The following CPN1 variants were observed in gnomAD, a reference collection of about 807,000 sequenced individuals.
The protein encoded by CPN1 is carboxypeptidase N catalytic chain.
In CPN1, 37 loss-of-function variants were observed where a neutral mutation model predicts 46.4. The ratio of observed to expected loss-of-function variants is 0.80; its 90% confidence interval spans 0.61 to 1.05. The LOEUF (loss-of-function observed/expected upper bound fraction) is 1.05. Ranked by LOEUF, CPN1 falls within the 50% of genes least tolerant of loss-of-function variation. The probability of loss-of-function intolerance (pLI) is 0.00; values close to 1 mark genes in which losing one functional copy is unlikely to be tolerated. For synonymous variants in CPN1, 224 were observed against 235.4 expected (o/e 0.95, Z 0.44); for missense variants, 563 against 602.6 (o/e 0.93, Z 0.69).
At chr10:100,051,243 A>G (rs1348644611) in intron 7 of CPN1, among the ~76,000 whole-genome samples, 1 of 152,222 alleles carries the variant, frequency 6.6e-6, no homozygotes, top group African/African-American at 2.4e-5. Flanking sequence ...ACAAACAATA[A>G]TGAAGAAGTC....
Position 100,063,717 on chromosome 10 carries a change from C to A in CPN1, c.768G>T (p.Lys256Asn), listed in dbSNP as rs144347849. Residue 256 changes from lysine (K) to asparagine (N), a missense_variant, in exon 5 of 9, where the codon AAG becomes AAT. Coordinates refer to ENST00000370418, the MANE Select transcript of CPN1 (RefSeq NM_001308.3). ...PDDKLFQKLA[K>N]VYSYAHGWMF... Reference sequence around the variant, plus strand: ...TCCATCCATGTGCATAGGAGTAGACCTTGGCCAGCTAGAGGAAAAGCAGGA... The same window carrying A: ...TCCATCCATGTGCATAGGAGTAGACATTGGCCAGCTAGAGGAAAAGCAGGA... 1.2e-6 allele frequency: 2 copies of A among 1,613,580 alleles called. No individual in the cohort carries two copies. Among genetic ancestry groups the A allele is most frequent in the Admixed American group, 1.7e-5 (1 of 59,978 alleles).
chr10:100,050,902 G>A lies in CPN1; in HGVS notation c.1112-2026C>T, dbSNP rs145953818. Among the ~76,000 whole-genome samples the A allele has an allele frequency of 7.2e-3, 1,099 of 152,310 alleles. 19 individuals are homozygous for A. The highest frequency in any genetic ancestry group is 0.024 in the African/African-American group (1,012 of 41,572). On this transcript the variant is annotated intron_variant, in intron 7 of 8. Transcript: ENST00000370418. ...CCAGCTCAGCCTCCCAAAGTGCTGGGATTACAGGCATATGCCATTGTGCCC... is the reference window on the plus strand; with the variant it reads ...CCAGCTCAGCCTCCCAAAGTGCTGGAATTACAGGCATATGCCATTGTGCCC...
chr10:100,068,059 G>A (rs2041464273), intron 3 of CPN1, among the ~76,000 whole-genome samples: 1 of 151,068 alleles, frequency 6.6e-6, no homozygotes, highest in Non-Finnish European at 1.5e-5. Flanking sequence ...GACTGAGGCA[G>A]GAGAATCGCT....
intron 2 of CPN1, among the ~76,000 whole-genome samples, chr10:100,073,479 G>A (rs138746169): frequency 2.2e-3 from 336 of 152,274 alleles, no homozygotes; most frequent in African/African-American, 7.8e-3. Context: ...CCCAAATTTA[G>A]TGGTTTAAAA....
intron 8 of CPN1, among the ~76,000 whole-genome samples, chr10:100,046,996 C>A (rs1247326860): frequency 6.6e-6 from 1 of 151,986 alleles, no homozygotes; most frequent in Non-Finnish European, 1.5e-5. Context: ...ATTGCTTGAA[C>A]CCAAAAGACA....
chr10:100,077,640 C>T (rs1018709365), intron 1 of CPN1, among the ~76,000 whole-genome samples: 1 of 152,128 alleles, frequency 6.6e-6, no homozygotes, highest in Admixed American at 6.5e-5. Context: ...TCTTAGTATA[C>T]CTACAGCAGT....
At chr10:100,060,582 T>G (rs1047069997) in intron 5 of CPN1, among the ~76,000 whole-genome samples, 1 of 151,860 alleles carries the variant, frequency 6.6e-6, no homozygotes, top group Non-Finnish European at 1.5e-5. Flanking sequence ...TAAATGAAGA[T>G]GAAAAAAATT....
intron 5 of CPN1, among the ~76,000 whole-genome samples, chr10:100,062,717 C>T (rs2041427753): frequency 6.6e-6 from 1 of 151,700 alleles, no homozygotes; most frequent in Admixed American, 6.6e-5. Context: ...CCTCAGCCTC[C>T]CCATTAGCTG....
At chr10:100,060,169 G>A (rs1305636322) in intron 5 of CPN1, among the ~76,000 whole-genome samples, 1 of 152,090 alleles carries the variant, frequency 6.6e-6, no homozygotes, top group Non-Finnish European at 1.5e-5. Context: ...GATGAGTGCT[G>A]GTGATGACTG....
intron 4 of CPN1, 129 bp from the exon 5 acceptor site, chr10:100,063,854 A>T (rs549123128): frequency 2.7e-6 from 2 of 733,038 alleles, no homozygotes; most frequent in South Asian, 2.9e-5. Context: ...TGCTTTAGTG[A>T]AAGAAAATAG....
chr10:100,081,857 C>G lies in CPN1; in HGVS notation c.-232G>C, dbSNP rs2041549322. On this transcript the variant is annotated 5_prime_UTR_variant, in exon 1 of 9. Transcript: ENST00000370418. ...CCTTTCTTTCTCTAATCCAGGAAAG[C>G]CTTTTGAAAGGTTTTTTGCACTTCC... 9.4e-6 allele frequency: 5 copies of G among 532,204 alleles called. No homozygotes were observed. The highest frequency in any genetic ancestry group is 1.7e-5 in the Non-Finnish European group (5 of 292,984). The allele number at this position is 532,204 out of a possible 1,614,324, so 33.0% of individuals were successfully genotyped here.
In CPN1 at chr10:100,075,854, A is replaced by C. The variant is rs553809968; in HGVS notation, c.420+57T>G. 2.4e-5 allele frequency: 37 copies of C among 1,550,660 alleles called. No homozygotes were observed. The Admixed American group carries it at 3.0e-4, about 13-fold the overall frequency. On this transcript the variant is annotated intron_variant, in intron 2 of 8. Transcript: ENST00000370418. ...ACAGAGAGGGAATCTTGTCCACTGG[A>C]CTTTATTTCCTAAGAAGGCCTTGAT...
chr10:100,068,773 A>G (rs2041468811), intron 3 of CPN1, among the ~76,000 whole-genome samples: 1 of 151,904 alleles, frequency 6.6e-6, no homozygotes, highest in Non-Finnish European at 1.5e-5. Context: ...TCCTGACCTC[A>G]AGCAATCCTC....
At chr10:100,055,993 C>A (rs932736716) in intron 6 of CPN1, among the ~76,000 whole-genome samples, 2 of 152,182 alleles carry the variant, frequency 1.3e-5, no homozygotes, top group African/African-American at 2.4e-5. Flanking sequence ...CCCTTATTTC[C>A]GTTCTTTTGA....
chr10:100,081,674 TAAAC>T lies in CPN1; in HGVS notation c.-53_-50del, dbSNP rs752752245. 1 of 1,512,700 alleles carries T rather than the reference TAAAC, an allele frequency of 6.6e-7. No individual in the cohort carries two copies. The highest frequency in any genetic ancestry group is 1.1e-5 in the South Asian group (1 of 87,142). The allele number at this position is 1,512,700 out of a possible 1,614,324, so 93.7% of individuals were successfully genotyped here. On this transcript the variant is annotated 5_prime_UTR_variant, in exon 1 of 9. Transcript: ENST00000370418. ...GCCACTGAAACGCGCCCCACCTCCT[TAAAC>T]AACCTAGCCTCTTCACCCGCCAAAA...
intron 8 of CPN1, among the ~76,000 whole-genome samples, chr10:100,046,409 C>T (rs1467513382): frequency 6.6e-6 from 1 of 152,208 alleles, no homozygotes; most frequent in Non-Finnish European, 1.5e-5. Context: ...GAGTTCAAGG[C>T]TGCAGTGAGC....
chr10:100,069,568 T>C, intron 3 of CPN1, 146 bp downstream of exon 3: 1 of 940,454 alleles, frequency 1.1e-6, no homozygotes, highest in Non-Finnish European at 1.7e-6. Flanking sequence ...AAGAAATATA[T>C]ATTATTGCTC....
At chr10:100,049,160 T>C (rs1047731971) in intron 7 of CPN1, among the ~76,000 whole-genome samples, 3 of 151,938 alleles carry the variant, frequency 2.0e-5, no homozygotes, top group Non-Finnish European at 4.4e-5. Context: ...GGTTTCATCA[T>C]GTTGGCCAGG....
chr10:100,062,831 C>T (rs891257383), intron 5 of CPN1, among the ~76,000 whole-genome samples: 2 of 151,410 alleles, frequency 1.3e-5, no homozygotes, highest in Non-Finnish European at 2.9e-5. Flanking sequence ...AAACAACTGG[C>T]CTCAAGAGAT....
Sources: allele counts gnomAD v4.1 joint callset (sites outside exome capture counted in the v4.1 genomes callset), GRCh38; gene constraint gnomAD v4.1.1; transcripts MANE v1.5; gene names NCBI Gene and HGNC (gene_info 2026-07-23, HGNC 2026-07-21).